Variants in MYO5B observed in about 807,000 individuals in gnomAD.
The protein encoded by MYO5B is myosin VB, also known as unconventional myosin-Vb.
Under a neutral mutation model 229.3 loss-of-function variants are expected in MYO5B, and 143 were observed. The observed-to-expected ratio is 0.62, with a 90% confidence interval of 0.54 to 0.72. MYO5B has a LOEUF of 0.72. Ranked by LOEUF, MYO5B falls within the 30% of genes least tolerant of loss-of-function variation. The pLI is 0.00. For synonymous variants in MYO5B, 918 were observed against 885.2 expected (o/e 1.04, Z -0.66); for missense variants, 2,321 against 2,331.0 (o/e 1.00, Z 0.09).
intron 1 of MYO5B, among the ~76,000 whole-genome samples, chr18:50,077,466 G>A (rs1481656181): frequency 6.7e-6 from 1 of 149,164 alleles, no homozygotes; most frequent in African/African-American, 2.5e-5. Context: ...ATGCTAAGGT[G>A]ATCCGTGATC....
At chr18:49,931,666 G>C (rs77006089) in intron 16 of MYO5B, among the ~76,000 whole-genome samples, 1 of 152,152 alleles carries the variant, frequency 6.6e-6, no homozygotes, top group East Asian at 1.9e-4. Flanking sequence ...GGATCCAAGG[G>C]GGTCTTCATT....
chr18:50,040,615 C>T (rs2029984695), intron 2 of MYO5B, among the ~76,000 whole-genome samples: 1 of 152,152 alleles, frequency 6.6e-6, no homozygotes, highest in African/African-American at 2.4e-5. Context: ...AATTGGAATG[C>T]TGTTCTTTCT....
chr18:49,943,925 G>C (rs952299960), intron 14 of MYO5B, among the ~76,000 whole-genome samples: 1 of 152,172 alleles, frequency 6.6e-6, no homozygotes, highest in Non-Finnish European at 1.5e-5. Context: ...ACATTGGATG[G>C]GGAGGACAGC....
intron 1 of MYO5B, among the ~76,000 whole-genome samples, chr18:50,089,741 A>G (rs756704708): frequency 1.7e-4 from 26 of 152,184 alleles, no homozygotes; most frequent in Non-Finnish European, 5.9e-5. Context: ...CGTTTCTTGT[A>G]AAGTCCTGGC....
chr18:49,927,979 T>C (rs566433449), intron 17 of MYO5B, among the ~76,000 whole-genome samples: 1 of 152,300 alleles, frequency 6.6e-6, no homozygotes, highest in South Asian at 2.1e-4. Flanking sequence ...AGAAAATCTT[T>C]GCAATCTATA....
chr18:49,881,834 T>C (rs1230238027), intron 22 of MYO5B, among the ~76,000 whole-genome samples: 9 of 150,188 alleles, frequency 6.0e-5, no homozygotes, highest in African/African-American at 1.7e-4. Flanking sequence ...AAGAAAGTTC[T>C]TAAAAAATGT....
chr18:49,937,190 G>A (rs367774854), intron 15 of MYO5B, 55 bp downstream of exon 15: 4 of 1,603,340 alleles, frequency 2.5e-6, no homozygotes, highest in Non-Finnish European at 3.4e-6. Context: ...TTCATCTACA[G>A]AGAGGCCAGC....
At chr18:49,992,152 G>A (rs1319224030) in intron 6 of MYO5B, 136 bp downstream of exon 6, 1 of 1,246,274 alleles carries the variant, frequency 8.0e-7, no homozygotes, top group Non-Finnish European at 1.2e-6. Context: ...TAAAAGATAA[G>A]AACCAAAAGA....
At chr18:50,020,388 C>T (rs572060199) in intron 4 of MYO5B, among the ~76,000 whole-genome samples, 1 of 152,326 alleles carries the variant, frequency 6.6e-6, no homozygotes, top group Non-Finnish European at 1.5e-5. Flanking sequence ...GCAGCAGCTC[C>T]TAGCTTTCCT....
intron 1 of MYO5B, among the ~76,000 whole-genome samples, chr18:50,136,029 C>T (rs1412321264): frequency 6.6e-6 from 1 of 152,248 alleles, no homozygotes; most frequent in Non-Finnish European, 1.5e-5. Context: ...CATGGTCACA[C>T]AGCCTGAATG....
intron 8 of MYO5B, 117 bp from the exon 9 acceptor site, chr18:49,980,670 G>C (rs181774861): frequency 6.7e-6 from 5 of 742,140 alleles, no homozygotes; most frequent in East Asian, 2.7e-5. Context: ...TTTCTGACCC[G>C]ATGACTCCTA....
intron 1 of MYO5B, among the ~76,000 whole-genome samples, chr18:50,142,607 G>T (rs2032434986): frequency 6.6e-6 from 1 of 152,208 alleles, no homozygotes; most frequent in African/African-American, 2.4e-5. Context: ...ACATGGAATA[G>T]TTGCAGAATT....
chr18:49,843,470 A>G, intron 33 of MYO5B, 78 bp from the exon 34 acceptor site: 1 of 1,526,142 alleles, frequency 6.6e-7, no homozygotes, highest in South Asian at 1.1e-5. Context: ...TCATCTGAAT[A>G]GACGTGTTTT....
Position 49,955,314 on chromosome 18 carries a change from C to G in MYO5B, c.1546-879G>C, listed in dbSNP as rs113405263. Reference sequence around the variant, plus strand: ...CTTCATTGAAAATGTAACAGAGTCACCGTAACCACCACTCAAATTGTCAAG... The same window carrying G: ...CTTCATTGAAAATGTAACAGAGTCAGCGTAACCACCACTCAAATTGTCAAG... On this transcript the variant is annotated intron_variant, in intron 12 of 39. Transcript: ENST00000285039. Among the ~76,000 whole-genome samples, 176 of 152,302 alleles carry G rather than the reference C, an allele frequency of 1.2e-3. 2 individuals carry two copies. The highest frequency in any genetic ancestry group is 5.2e-3 in the Admixed American group (79 of 15,296).
chr18:49,850,244 A>C (rs2024183619), intron 31 of MYO5B: 2 of 175,834 alleles, frequency 1.1e-5, no homozygotes, highest in Admixed American at 5.4e-5. Flanking sequence ...ATCCCAGCTG[A>C]GCAGTGGTCC....
At chr18:50,034,138 C>T (rs933979676) in intron 4 of MYO5B, among the ~76,000 whole-genome samples, 7 of 152,204 alleles carry the variant, frequency 4.6e-5, no homozygotes, top group Non-Finnish European at 2.9e-5. Context: ...TCATTTCACC[C>T]AGCTGTTAGG....
intron 29 of MYO5B, 55 bp downstream of exon 29, chr18:49,863,172 G>C: frequency 1.5e-6 from 2 of 1,369,586 alleles, no homozygotes; most frequent in Non-Finnish European, 2.1e-6. Flanking sequence ...AGACTCGTTT[G>C]GGCAGGGCCC....
rs1188888286 is a variant in MYO5B at position 50,040,380 on chromosome 18, C to T, written c.139-66G>A. 3 of 1,426,332 alleles carry T rather than the reference C, an allele frequency of 2.1e-6. No individual in the cohort carries two copies. In the South Asian group the frequency reaches 3.4e-5, roughly 16 times the overall value. The allele number at this position is 1,426,332 out of a possible 1,614,324, so 88.4% of individuals were successfully genotyped here. On this transcript the variant is annotated intron_variant, in intron 2 of 39. Coordinates refer to ENST00000285039, the MANE Select transcript of MYO5B (RefSeq NM_001080467.3). The stretch of plus-strand genomic sequence containing the variant: ...AAGCGTTAAGTCTGTATTCAATGTC[C>T]TGTCTTCTTAGCTGGAATCACCATC...
rs769873177 is a variant in MYO5B at position 49,843,330 on chromosome 18, A to T, written c.4522T>A (p.Cys1508Ser). 7 of 1,614,104 alleles carry T rather than the reference A, an allele frequency of 4.3e-6. No homozygotes were observed. The South Asian group carries it at 6.6e-5, about 15-fold the overall frequency. ...PCLPAYILYM[C>S]IRHADYTNDD... is the part of the protein sequence containing the mutation. ...TTGGTGTAGTCCGCGTGCCGGATGCACATGTAGAGGATGTAGGCGGGGAGA... is the reference window on the plus strand; with the variant it reads ...TTGGTGTAGTCCGCGTGCCGGATGCTCATGTAGAGGATGTAGGCGGGGAGA... The change falls in exon 34 of 40, where the codon TGC becomes AGC. Residue 1508 changes from cysteine (C) to serine (S), a missense_variant. Cys to Ser is a moderately radical substitution (Grantham distance 112, BLOSUM62 -1). This residue lies in a region of MYO5B where 2,113 missense variants were observed against 2,044.7 expected (regional missense o/e 1.03). Coordinates refer to ENST00000285039, the MANE Select transcript of MYO5B (RefSeq NM_001080467.3).
Sources: allele counts gnomAD v4.1 joint callset (sites outside exome capture counted in the v4.1 genomes callset), GRCh38; gene constraint gnomAD v4.1.1; regional missense constraint gnomAD v4.1.1; transcripts MANE v1.5; gene names NCBI Gene and HGNC (gene_info 2026-07-23, HGNC 2026-07-21).